KANSL1: variants seen among roughly 807,000 people sequenced by gnomAD.
The protein encoded by KANSL1 is KAT8 regulatory NSL complex subunit 1, also known as MLL1/MLL complex subunit KANSL1.
Under a neutral mutation model 103.6 loss-of-function variants are expected in KANSL1, and 22 were observed. The ratio of observed to expected loss-of-function variants is 0.21; its 90% confidence interval spans 0.15 to 0.30. KANSL1 has a LOEUF of 0.30. Ranked by LOEUF, KANSL1 falls within the 10% of genes least tolerant of loss-of-function variation. The pLI is 1.00. For missense variants in KANSL1, 1,337 were observed against 1,399.8 expected (o/e 0.96, Z 0.72); for synonymous variants, 600 against 527.6 (o/e 1.14, Z -1.88).
intron 2 of KANSL1, among the ~76,000 whole-genome samples, chr17:46,095,127 A>AT (rs146453014): frequency 0.14 from 21,666 of 152,076 alleles, 2,114 homozygotes; most frequent in Non-Finnish European, 0.22. Flanking sequence ...AGTAGAAAAT[A>AT]TCATTAAGTA....
At chr17:46,127,840 T>C (rs2043650440) in intron 2 of KANSL1, among the ~76,000 whole-genome samples, 1 of 152,124 alleles carries the variant, frequency 6.6e-6, no homozygotes, top group Non-Finnish European at 1.5e-5. Flanking sequence ...AATTCTTCAA[T>C]GTGATAAAGC....
upstream of KANSL1, chr17:46,196,254 AAAAT>A (rs1316014606): frequency 2.5e-5 from 11 of 445,630 alleles, no homozygotes; most frequent in African/African-American, 1.6e-4. Context: ...AAGTGATAAA[AAAAT>A]AAAAACACCA....
At chr17:46,111,596 T>C (rs1033104966) in intron 2 of KANSL1, among the ~76,000 whole-genome samples, 5 of 152,230 alleles carry the variant, frequency 3.3e-5, no homozygotes, top group African/African-American at 1.2e-4. Context: ...ACGGATGGTA[T>C]TTGAACTAGA....
At chr17:46,094,404 G>C in intron 3 of KANSL1, 156 bp downstream of exon 3, 1 of 922,714 alleles carries the variant, frequency 1.1e-6, no homozygotes, top group Non-Finnish European at 1.6e-6. Flanking sequence ...GCCACATCAG[G>C]TTCTTAAATT....
chr17:46,123,320 T>G (rs1230524537), intron 2 of KANSL1, among the ~76,000 whole-genome samples: 1 of 152,128 alleles, frequency 6.6e-6, no homozygotes, highest in Non-Finnish European at 1.5e-5. Context: ...GAGGTTGCAG[T>G]GAGCCAAGAT....
chr17:46,222,472 GAAC>G (rs1374902673), intron 1 of KANSL1: 1 of 108,488 alleles, frequency 9.2e-6, no homozygotes, highest in Non-Finnish European at 1.8e-5. Flanking sequence ...AACGGGTTCA[GAAC>G]TTCTGGTTGC....
chr17:46,130,049 G>GGTGGCAT (rs113667149), intron 2 of KANSL1, among the ~76,000 whole-genome samples: 20,990 of 150,728 alleles, frequency 0.14, 2,068 homozygotes, highest in Middle Eastern at 0.21. Context: ...AGCCAGGTAT[G>GGTGGCAT]GTGGCATGTG....
intron 1 of KANSL1, among the ~76,000 whole-genome samples, chr17:46,180,665 G>A (rs1057012781): frequency 6.6e-6 from 1 of 152,072 alleles, no homozygotes; most frequent in Non-Finnish European, 1.5e-5. Context: ...CAGCCAGGGC[G>A]ACAAAGAGAG....
At chr17:46,114,010 T>G (rs2042935269) in intron 2 of KANSL1, among the ~76,000 whole-genome samples, 1 of 152,178 alleles carries the variant, frequency 6.6e-6, no homozygotes, top group Admixed American at 6.5e-5. Context: ...TTAAATGATT[T>G]GCCCAGAGTC....
intron 7 of KANSL1, among the ~76,000 whole-genome samples, chr17:46,047,288 C>CA (rs1317571895): frequency 6.6e-6 from 1 of 152,188 alleles, no homozygotes; most frequent in Non-Finnish European, 1.5e-5. Context: ...GATCAACTGT[C>CA]AATTAGAAGG....
At chr17:46,217,852 C>G (rs2048390093) in intron 1 of KANSL1, among the ~76,000 whole-genome samples, 1 of 152,330 alleles carries the variant, frequency 6.6e-6, no homozygotes, top group East Asian at 1.9e-4. Flanking sequence ...TGGTGAAACC[C>G]TGTTTCTACA....
intron 2 of KANSL1, among the ~76,000 whole-genome samples, chr17:46,102,544 C>A (rs115877586): frequency 0.016 from 2,400 of 152,238 alleles, 66 homozygotes; most frequent in African/African-American, 0.051. Context: ...GCCACAGCAC[C>A]CAGCCCCAGA....
chr17:46,038,424 G>A, intron 10 of KANSL1, 114 bp downstream of exon 10: 1 of 1,111,762 alleles, frequency 9.0e-7, no homozygotes, highest in Non-Finnish European at 1.3e-6. Flanking sequence ...GATGAGCTGA[G>A]ATCCTATAAA....
At chr17:46,125,099 A>G (rs2043489008) in intron 2 of KANSL1, among the ~76,000 whole-genome samples, 1 of 34,042 alleles carries the variant, frequency 2.9e-5, no homozygotes, top group Non-Finnish European at 6.2e-5. Context: ...GGAGGGAGGG[A>G]GAGAGGGAGG....
At chr17:46,158,847 C>T (rs2045578552) in intron 2 of KANSL1, among the ~76,000 whole-genome samples, 1 of 152,188 alleles carries the variant, frequency 6.6e-6, no homozygotes, top group South Asian at 2.1e-4. Flanking sequence ...GGCCAAGAGA[C>T]TTATTTCTGA....
At position 46,171,672 on chromosome 17, in the gene KANSL1, C is replaced by T. The variant is rs1250112340; in HGVS notation, c.472G>A (p.Ala158Thr). ...GTTGAACTTTTAGTCAATTTCTTAG[C>T]CAACCCATTTACAGGTGCTTGTGGC... ...ALPQAPVNGL[A>T]KKLTKSSTHS... Residue 158 changes from alanine (A) to threonine (T), a missense_variant, in exon 2 of 15, where the codon GCT (alanine) becomes ACT (threonine). Ala to Thr is a moderately conservative substitution (Grantham distance 58). Coordinates refer to ENST00000432791, the MANE Select transcript of KANSL1 (RefSeq NM_015443.4). The T allele has an allele frequency of 6.4e-7, 1 of 1,552,224 alleles. No homozygotes were observed. Among genetic ancestry groups the T allele is most frequent in the Non-Finnish European group, 8.7e-7 (1 of 1,153,884 alleles).
intron 1 of KANSL1, among the ~76,000 whole-genome samples, chr17:46,185,690 T>TACACACACAC (rs1285810639): frequency 3.0e-5 from 2 of 65,982 alleles, no homozygotes; most frequent in Admixed American, 2.6e-4. Flanking sequence ...CACACACATA[T>TACACACACAC]ATACACACAC....
intron 2 of KANSL1, among the ~76,000 whole-genome samples, chr17:46,124,972 C>T (rs549327020): frequency 6.8e-6 from 1 of 147,254 alleles, no homozygotes; most frequent in South Asian, 2.1e-4. Context: ...AATTAGAAAT[C>T]GAGAATTAGA....
chr17:46,152,256 C>CT (rs1368933668), intron 2 of KANSL1, among the ~76,000 whole-genome samples: 3 of 152,216 alleles, frequency 2.0e-5, no homozygotes, highest in Non-Finnish European at 2.9e-5. Context: ...AGCTCTACCT[C>CT]CACTTAAATA....
Sources: gnomAD v4.1 joint callset for allele counts (sites outside exome capture counted in the v4.1 genomes callset) on GRCh38, gnomAD v4.1.1 for gene constraint, MANE v1.5 for transcripts, NCBI Gene and HGNC (gene_info 2026-07-23, HGNC 2026-07-21) for gene names.